Variants in SHB observed in about 807,000 individuals in gnomAD.
The protein encoded by SHB is SH2 domain containing adaptor protein B, also known as SH2 domain-containing adapter protein B.
In SHB, 20 loss-of-function variants were observed where a neutral mutation model predicts 52.3. That is an observed-to-expected ratio of 0.38 (90% CI 0.27 to 0.56). The LOEUF (loss-of-function observed/expected upper bound fraction) is 0.56, where lower values mean the gene tolerates loss of function less well. SHB is among the 20% of genes least tolerant of loss of function. The pLI is 0.71. For synonymous variants in SHB, 397 were observed against 316.5 expected (o/e 1.25, Z -2.70); for missense variants, 825 against 723.3 (o/e 1.14, Z -1.61).
chr9:37,971,499 C>A (rs993219425), intron 3 of SHB, among the ~76,000 whole-genome samples: 4 of 152,202 alleles, frequency 2.6e-5, no homozygotes, highest in African/African-American at 9.6e-5. Flanking sequence ...AAGGCTGGTG[C>A]CCATAGGACC....
chr9:37,955,254 C>A (rs1832615365), intron 4 of SHB, among the ~76,000 whole-genome samples: 1 of 152,206 alleles, frequency 6.6e-6, no homozygotes, highest in African/African-American at 2.4e-5. Context: ...CCTGTAGACT[C>A]TTTTGCAGTT....
At chr9:38,047,423 G>T (rs188563853) in intron 1 of SHB, among the ~76,000 whole-genome samples, 1 of 152,308 alleles carries the variant, frequency 6.6e-6, no homozygotes, top group African/African-American at 2.4e-5. Context: ...CTCCCCTTCG[G>T]TGCAGAAAAC....
intron 2 of SHB, among the ~76,000 whole-genome samples, chr9:37,980,382 A>G (rs1820709933): frequency 6.6e-6 from 1 of 152,254 alleles, no homozygotes. Context: ...TTGCTCATCC[A>G]TAAGAAGCAA....
intron 2 of SHB, among the ~76,000 whole-genome samples, chr9:38,013,239 G>A (rs1821165313): frequency 6.6e-6 from 1 of 152,206 alleles, no homozygotes. Flanking sequence ...GAATGCATGA[G>A]GTCTTTAAGA....
intron 1 of SHB, among the ~76,000 whole-genome samples, chr9:38,065,249 T>C (rs1821946473): frequency 6.6e-6 from 1 of 152,146 alleles, no homozygotes; most frequent in South Asian, 2.1e-4. Flanking sequence ...GCTTCCTGAC[T>C]GCCTGATGGG....
intron 2 of SHB, among the ~76,000 whole-genome samples, chr9:38,011,460 T>C (rs1222604038): frequency 6.6e-6 from 1 of 152,222 alleles, no homozygotes; most frequent in Non-Finnish European, 1.5e-5. Flanking sequence ...GAAAGGAAGC[T>C]GCCAGCCCTA....
chr9:38,068,080 T>C lies in SHB; in HGVS notation c.566A>G (p.Glu189Gly). 1.3e-6 allele frequency: 2 copies of C among 1,494,694 alleles called. No homozygotes were observed. Among genetic ancestry groups the C allele is most frequent in the Non-Finnish European group, 1.8e-6 (2 of 1,132,938 alleles). 92.6% of individuals were successfully genotyped at this position (1,494,694 alleles called of 1,614,324 possible). A position where few individuals can be genotyped will look rare whatever the true frequency, so the allele number is the denominator to read the frequency against. The change falls in exon 1 of 6, where the codon GAG becomes GGG. Residue 189 changes from glutamate (E) to glycine (G), a missense_variant. Coordinates refer to ENST00000377707, the MANE Select transcript of SHB (RefSeq NM_003028.3). The stretch of plus-strand genomic sequence containing the variant: ...CCCGGCCCCACCGCCCGCGGCGCTC[T>C]CCACTTTGATGAGGCGGTGCTTGGG... ...ISPKHRLIKVESAAGGGAGDP... is the reference protein window; with the variant it reads ...ISPKHRLIKVGSAAGGGAGDP...
rs1832524078 is a variant in SHB, at chr9:37,948,758, T to C, written c.1227-4A>G. The C allele has an allele frequency of 3.1e-6, 5 of 1,613,514 alleles. No homozygotes were observed. Among genetic ancestry groups the C allele is most frequent in the Non-Finnish European group, 4.2e-6 (5 of 1,179,964 alleles). On this transcript the variant is annotated splice_region_variant and splice_polypyrimidine_tract_variant and intron_variant, in intron 4 of 5. Coordinates refer to ENST00000377707, the MANE Select transcript of SHB (RefSeq NM_003028.3). ...GCTGATGGCTCCGTGATACCATCTG[T>C]GGAGAGGGCAGAGAGTGGTCAGAGC...
intron 2 of SHB, among the ~76,000 whole-genome samples, chr9:38,010,235 T>C (rs1226546678): frequency 6.6e-6 from 1 of 152,226 alleles, no homozygotes; most frequent in Non-Finnish European, 1.5e-5. Flanking sequence ...TTAAGTGAGC[T>C]AATCTCTGGA....
chr9:37,920,092 G>A, intron 5 of SHB, 88 bp from the exon 6 acceptor site: 2 of 1,063,954 alleles, frequency 1.9e-6, no homozygotes, highest in Non-Finnish European at 2.8e-6. Flanking sequence ...GGACAGAAGG[G>A]ATCCCAGCCA....
At chr9:37,924,420 T>C (rs182946653) in intron 5 of SHB, among the ~76,000 whole-genome samples, 44 of 152,344 alleles carry the variant, frequency 2.9e-4, no homozygotes, top group African/African-American at 9.6e-4. Context: ...GTAATAGTTA[T>C]GTTAAATCGC....
chr9:38,045,508 G>A (rs1426682059), intron 1 of SHB, among the ~76,000 whole-genome samples: 2 of 152,000 alleles, frequency 1.3e-5, no homozygotes, highest in Non-Finnish European at 2.9e-5. Context: ...CTACTCGGGA[G>A]GCTAAGGCAG....
rs151107725 is a variant in SHB at position 37,940,838 on chromosome 9, T to C, written c.1346+7797A>G. Among the ~76,000 whole-genome samples the C allele has an allele frequency of 8.0e-4, 121 of 152,176 alleles. 3 individuals carry two copies. The highest frequency in any genetic ancestry group is 2.6e-3 in the African/African-American group (110 of 41,520). ...GCTGCCAACATGCTTCCCTATGAGA[T>C]GAGGAGGCCAGACCACAAGTTCGGA... On this transcript the variant is annotated intron_variant, in intron 5 of 5. Transcript: ENST00000377707.
At chr9:38,012,620 T>C (rs938760059) in intron 2 of SHB, among the ~76,000 whole-genome samples, 7 of 151,954 alleles carry the variant, frequency 4.6e-5, no homozygotes, top group African/African-American at 1.7e-4. Flanking sequence ...CTGCCTGCTC[T>C]GAGGCTACTG....
chr9:37,929,414 T>C (rs559930836), intron 5 of SHB, among the ~76,000 whole-genome samples: 1 of 152,280 alleles, frequency 6.6e-6, no homozygotes, highest in East Asian at 1.9e-4. Context: ...TTTCAGAAAA[T>C]ACTGACGCCA....
intron 3 of SHB, among the ~76,000 whole-genome samples, chr9:37,964,334 T>A (rs1249938355): frequency 6.6e-6 from 1 of 152,180 alleles, no homozygotes; most frequent in African/African-American, 2.4e-5. Flanking sequence ...CGTACACACA[T>A]GTCCAAACCT....
At chr9:37,996,264 C>T (rs943587154) in intron 2 of SHB, among the ~76,000 whole-genome samples, 3 of 152,216 alleles carry the variant, frequency 2.0e-5, no homozygotes, top group Non-Finnish European at 4.4e-5. Context: ...GAACCCCTCC[C>T]CTTCCCTCAC....
intron 2 of SHB, among the ~76,000 whole-genome samples, chr9:37,984,118 T>C (rs1251041538): frequency 1.3e-5 from 2 of 152,194 alleles, no homozygotes; most frequent in Non-Finnish European, 2.9e-5. Flanking sequence ...TTTCGAACAG[T>C]GCCTGGTGCA....
At chr9:38,066,100 G>C (rs1283406050) in intron 1 of SHB, among the ~76,000 whole-genome samples, 1 of 152,204 alleles carries the variant, frequency 6.6e-6, no homozygotes, top group Non-Finnish European at 1.5e-5. Flanking sequence ...CAGCAGGGGA[G>C]GACACAGAGA....
Sources: allele counts gnomAD v4.1 joint callset (sites outside exome capture counted in the v4.1 genomes callset), GRCh38; gene constraint gnomAD v4.1.1; transcripts MANE v1.5; gene names NCBI Gene and HGNC (gene_info 2026-07-23, HGNC 2026-07-21).